PDE4D: variants seen among roughly 807,000 people sequenced by gnomAD.
The protein encoded by PDE4D is phosphodiesterase 4D.
PDE4D carries 24 observed loss-of-function variants against 87.4 expected under a neutral mutation model. The observed-to-expected ratio is 0.27, with a 90% CI of 0.20 to 0.39. The LOEUF is 0.39. Among genes scored for constraint, PDE4D ranks in the 10% least tolerant of loss-of-function variants. PDE4D has a pLI of 1.00. For synonymous variants in PDE4D, 384 were observed against 383.2 expected (o/e 1.00, Z -0.02); for missense variants, 714 against 1,041.0 (o/e 0.69, Z 4.32).
At chr5:59,043,522 CA>C (rs1259626607) in intron 5 of PDE4D, among the ~76,000 whole-genome samples, 1 of 141,502 alleles carries the variant, frequency 7.1e-6, no homozygotes, top group Non-Finnish European at 1.5e-5. Context: ...GACTCCGACT[CA>C]AAAAAACAAA....
intron 2 of PDE4D, among the ~76,000 whole-genome samples, chr5:60,049,057 G>T (rs1001601922): frequency 6.6e-6 from 1 of 152,114 alleles, no homozygotes; most frequent in African/African-American, 2.4e-5. Context: ...TGGAGGGTTT[G>T]CCCGTTTCTT....
At chr5:60,019,771 T>C (rs1287271585) in intron 2 of PDE4D, among the ~76,000 whole-genome samples, 1 of 152,212 alleles carries the variant, frequency 6.6e-6, no homozygotes, top group Non-Finnish European at 1.5e-5. Context: ...CCACTAAAAC[T>C]TTCTCTATAT....
At chr5:60,282,265 G>A (rs974247423) in intron 1 of PDE4D, among the ~76,000 whole-genome samples, 2 of 141,854 alleles carry the variant, frequency 1.4e-5, no homozygotes, top group Non-Finnish European at 3.0e-5. Context: ...TATTTGTCAG[G>A]CAAGACTATT....
intron 1 of PDE4D, among the ~76,000 whole-genome samples, chr5:60,333,144 A>T (rs1404030298): frequency 6.6e-6 from 1 of 152,180 alleles, no homozygotes; most frequent in East Asian, 1.9e-4. Flanking sequence ...TCTCCTACAA[A>T]GATTCATTCA....
At chr5:59,436,541 T>C (rs990046905) in intron 1 of PDE4D, among the ~76,000 whole-genome samples, 1 of 152,184 alleles carries the variant, frequency 6.6e-6, no homozygotes, top group Non-Finnish European at 1.5e-5. Context: ...ATCTCTCAGA[T>C]TGTAAAAACT....
intron 2 of PDE4D, among the ~76,000 whole-genome samples, chr5:60,105,449 T>A (rs919504496): frequency 3.3e-5 from 5 of 152,086 alleles, no homozygotes; most frequent in African/African-American, 4.8e-5. Flanking sequence ...CAGGATATTA[T>A]CCAGGAGAAC....
rs148582675 is a variant in PDE4D, at chr5:60,172,636, G to A, written c.42+12921C>T. On this transcript the variant is annotated intron_variant, in intron 2 of 16. Transcript: ENST00000502484. Reference sequence around the variant, plus strand: ...AAGTTTAAAGAAAGGGTTGAGGGGAGAAAAGAAACAGACAAATCTTTAAAA... The same window carrying A: ...AAGTTTAAAGAAAGGGTTGAGGGGAAAAAAGAAACAGACAAATCTTTAAAA... 3.1e-3 allele frequency among the ~76,000 whole-genome samples: 475 copies of A among 152,246 alleles called. 7 individuals carry two copies. Among genetic ancestry groups the A allele is most frequent in the Middle Eastern group, 3.4e-3 (1 of 294 alleles).
intron 2 of PDE4D, among the ~76,000 whole-genome samples, chr5:60,056,488 T>A (rs1435189559): frequency 2.6e-5 from 4 of 151,882 alleles, no homozygotes. Context: ...CAAATTTAAG[T>A]GGAAGAGAGA....
chr5:59,060,452 T>G (rs560863532), intron 5 of PDE4D, among the ~76,000 whole-genome samples: 1 of 152,288 alleles, frequency 6.6e-6, no homozygotes, highest in East Asian at 1.9e-4. Context: ...TATACCTTAG[T>G]CTTTTTTGTG....
At chr5:59,241,373 T>C (rs1019093351) in intron 1 of PDE4D, among the ~76,000 whole-genome samples, 2 of 152,196 alleles carry the variant, frequency 1.3e-5, no homozygotes, top group Admixed American at 1.3e-4. Flanking sequence ...GCTGAGAACT[T>C]GGCAGTCATG....
intron 1 of PDE4D, among the ~76,000 whole-genome samples, chr5:59,316,216 T>C (rs1773701261): frequency 6.6e-6 from 1 of 152,118 alleles, no homozygotes; most frequent in African/African-American, 2.4e-5. Flanking sequence ...TAAAGGCAGA[T>C]TGCCAGTCTG....
At chr5:59,789,345 C>T (rs948130821) in intron 1 of PDE4D, among the ~76,000 whole-genome samples, 1 of 152,220 alleles carries the variant, frequency 6.6e-6, no homozygotes, top group Non-Finnish European at 1.5e-5. Flanking sequence ...ACAGATCAAG[C>T]TGCCTGGAAA....
At chr5:59,119,765 C>G (rs899426107) in intron 5 of PDE4D, among the ~76,000 whole-genome samples, 1 of 152,166 alleles carries the variant, frequency 6.6e-6, no homozygotes, top group African/African-American at 2.4e-5. Flanking sequence ...ATTCCACTAC[C>G]TTTCCCACTG....
chr5:59,193,843 T>C, intron 2 of PDE4D: 1 of 957,434 alleles, frequency 1.0e-6, no homozygotes, highest in Non-Finnish European at 1.2e-6. Context: ...GGGCCTGAGT[T>C]TTACTTTTGG....
At chr5:60,391,200 TAATA>T in intron 1 of PDE4D, among the ~76,000 whole-genome samples, 1 of 152,312 alleles carries the variant, frequency 6.6e-6, no homozygotes, top group South Asian at 2.1e-4. Context: ...AAATGTTTAT[TAATA>T]AATAATTGAA....
At chr5:60,206,680 CTGG>C in intron 1 of PDE4D, among the ~76,000 whole-genome samples, 1 of 152,198 alleles carries the variant, frequency 6.6e-6, no homozygotes, top group East Asian at 1.9e-4. Flanking sequence ...GGATCTGCTG[CTGG>C]ATAAACCACA....
rs141231466 is a variant in PDE4D, at chr5:59,172,950, T to C, written c.808+7645A>G. 206 of 152,178 alleles carry C rather than the reference T, an allele frequency of 1.4e-3. 2 individuals are homozygous for C. The highest frequency in any genetic ancestry group is 4.7e-3 in the African/African-American group (197 of 41,534). 9.4% of individuals were successfully genotyped at this position (152,178 alleles called of 1,614,324 possible). On this transcript the variant is annotated intron_variant, in intron 5 of 14. Coordinates refer to ENST00000340635, the MANE Select transcript of PDE4D (RefSeq NM_001104631.2). ...TGATAAGTAACATTTGTTGAATACA[T>C]TCTGAGTACCAAGTACTATGTTAAG...
intron 1 of PDE4D, among the ~76,000 whole-genome samples, chr5:60,215,848 G>A (rs1232493981): frequency 6.6e-6 from 1 of 152,120 alleles, no homozygotes; most frequent in Non-Finnish European, 1.5e-5. Flanking sequence ...ATAGAAATAA[G>A]AATTGAATAG....
chr5:59,661,089 T>TATAC (rs1176705077), intron 1 of PDE4D, among the ~76,000 whole-genome samples: 1 of 148,014 alleles, frequency 6.8e-6, no homozygotes, highest in Non-Finnish European at 1.5e-5. Context: ...TATATATATA[T>TATAC]ATATATATTT....
Sources: allele counts gnomAD v4.1 joint callset (sites outside exome capture counted in the v4.1 genomes callset), GRCh38; gene constraint gnomAD v4.1.1; transcripts MANE v1.5; gene names NCBI Gene and HGNC (gene_info 2026-07-23, HGNC 2026-07-21).